ATG10: variants seen among roughly 807,000 people sequenced by gnomAD.
The protein encoded by ATG10 is ubiquitin-like-conjugating enzyme ATG10.
ATG10 carries 30 observed loss-of-function variants against 32.1 expected under a neutral mutation model. That is an observed-to-expected ratio of 0.94 (90% CI 0.70 to 1.27). The LOEUF is 1.27. ATG10 is among the 50% of genes most tolerant of loss of function. ATG10 has a pLI of 0.00. For missense variants in ATG10, 233 were observed against 262.3 expected, an observed-to-expected ratio of 0.89 and a Z score of 0.77; for synonymous variants, 87 against 91.5, an observed-to-expected ratio of 0.95 and a Z score of 0.28.
chr5:82,085,027 A>C (rs972067145), intron 3 of ATG10, among the ~76,000 whole-genome samples: 7 of 152,188 alleles, frequency 4.6e-5, no homozygotes, highest in Non-Finnish European at 1.0e-4. Flanking sequence ...ATTAAAAGAC[A>C]CAGACTGGCA....
intron 5 of ATG10, among the ~76,000 whole-genome samples, chr5:82,191,491 A>G (rs1744659797): frequency 6.6e-6 from 1 of 152,116 alleles, no homozygotes; most frequent in Non-Finnish European, 1.5e-5. Context: ...ATATTCTTTC[A>G]CTTAGTCTTT....
chr5:82,129,937 G>T (rs1329691743), intron 3 of ATG10, among the ~76,000 whole-genome samples: 1 of 152,138 alleles, frequency 6.6e-6, no homozygotes, highest in African/African-American at 2.4e-5. Context: ...TCCTGAAGCT[G>T]CCCCCACAAC....
chr5:82,179,836 T>C (rs1744166257), intron 5 of ATG10, among the ~76,000 whole-genome samples: 1 of 152,180 alleles, frequency 6.6e-6, no homozygotes, highest in Admixed American at 6.6e-5. Context: ...ATAAGAATCC[T>C]TAGCATCTTG....
At chr5:81,987,180 T>A (rs1254942651) in intron 1 of ATG10, among the ~76,000 whole-genome samples, 1 of 152,000 alleles carries the variant, frequency 6.6e-6, no homozygotes, top group East Asian at 1.9e-4. Flanking sequence ...TGGAGTAGAG[T>A]GGCATGATCC....
At chr5:82,159,828 C>T (rs1407909204) in intron 3 of ATG10, among the ~76,000 whole-genome samples, 3 of 152,136 alleles carry the variant, frequency 2.0e-5, no homozygotes, top group African/African-American at 7.2e-5. Context: ...CTCAAATTGC[C>T]TCACTGTTTC....
chr5:82,164,528 A>C lies in ATG10; in HGVS notation c.346A>C (p.Ser116Arg). The change falls in exon 4 of 8, where the codon AGC becomes CGC. Residue 116 changes from serine (S) to arginine (R), a missense_variant. Coordinates refer to ENST00000282185, the MANE Select transcript of ATG10 (RefSeq NM_031482.5). ...YQVPVLYFRA[S>R]FLDGRPLTLK... Reference sequence around the variant, plus strand: ...AGTGCCTGTACTTTACTTTAGGGCAAGCTTTTTAGGTAAGAACATGTCTGA... The same window carrying C: ...AGTGCCTGTACTTTACTTTAGGGCACGCTTTTTAGGTAAGAACATGTCTGA... The C allele has an allele frequency of 1.2e-6, 2 of 1,611,540 alleles. No individual in the cohort carries two copies. Among genetic ancestry groups the C allele is most frequent in the Non-Finnish European group, 1.7e-6 (2 of 1,178,372 alleles).
At chr5:82,022,022 C>CAA (rs1218669453) in intron 2 of ATG10, among the ~76,000 whole-genome samples, 5 of 109,842 alleles carry the variant, frequency 4.6e-5, no homozygotes, top group Admixed American at 1.9e-4. Flanking sequence ...GACGCTGTCT[C>CAA]AAAAAAAAAA....
At chr5:82,130,278 G>T (rs1766467647) in intron 3 of ATG10, among the ~76,000 whole-genome samples, 1 of 152,118 alleles carries the variant, frequency 6.6e-6, no homozygotes, top group Non-Finnish European at 1.5e-5. Context: ...AGCTTGCTGT[G>T]CTCCGTGGTG....
At chr5:82,027,867 G>A (rs955054836) in intron 2 of ATG10, among the ~76,000 whole-genome samples, 3 of 152,086 alleles carry the variant, frequency 2.0e-5, no homozygotes, top group Admixed American at 6.5e-5. Context: ...GAAAAGTTAC[G>A]AGTTGAAGAC....
At chr5:82,160,597 A>G (rs1053844060) in intron 3 of ATG10, among the ~76,000 whole-genome samples, 4 of 152,176 alleles carry the variant, frequency 2.6e-5, no homozygotes, top group Non-Finnish European at 4.4e-5. Context: ...GAGAGGCTAT[A>G]CACTGTTTTA....
intron 5 of ATG10, among the ~76,000 whole-genome samples, chr5:82,192,358 T>G (rs890153140): frequency 6.6e-6 from 1 of 152,206 alleles, no homozygotes; most frequent in South Asian, 2.1e-4. Context: ...CTCTCCCTAT[T>G]CAACTAGCCA....
chr5:82,121,497 G>T (rs143867188), intron 3 of ATG10, among the ~76,000 whole-genome samples: 2,087 of 152,224 alleles, frequency 0.014, 15 homozygotes, highest in Middle Eastern at 0.02. Flanking sequence ...CCAATACTGT[G>T]TTGAATAGGA....
At chr5:82,220,904 C>T (rs564236984) in intron 5 of ATG10, among the ~76,000 whole-genome samples, 23 of 152,138 alleles carry the variant, frequency 1.5e-4, no homozygotes, top group African/African-American at 5.3e-4. Context: ...ACTACAGGCA[C>T]GTGCCACCAT....
At chr5:82,235,327 C>T (rs752936972) in intron 5 of ATG10, among the ~76,000 whole-genome samples, 2 of 152,242 alleles carry the variant, frequency 1.3e-5, no homozygotes, top group Admixed American at 6.5e-5. Flanking sequence ...CAACAAGCAA[C>T]CCCAAATGAT....
intron 5 of ATG10, among the ~76,000 whole-genome samples, chr5:82,179,056 A>G (rs1379572576): frequency 1.3e-5 from 2 of 152,182 alleles, no homozygotes; most frequent in East Asian, 1.9e-4. Context: ...GGACAAAATC[A>G]TCTAACACAA....
At chr5:82,225,069 T>C (rs1746068578) in intron 5 of ATG10, among the ~76,000 whole-genome samples, 1 of 152,240 alleles carries the variant, frequency 6.6e-6, no homozygotes, top group Non-Finnish European at 1.5e-5. Context: ...TTTTTGGTGC[T>C]CCTGTTCTGC....
intron 2 of ATG10, among the ~76,000 whole-genome samples, chr5:82,050,816 A>G (rs1355590224): frequency 6.8e-6 from 1 of 146,934 alleles, no homozygotes; most frequent in East Asian, 2.0e-4. Flanking sequence ...AGCCTAGGCA[A>G]CATAGCAAGA....
intron 3 of ATG10, among the ~76,000 whole-genome samples, chr5:82,120,707 A>G (rs1766008372): frequency 6.6e-6 from 1 of 151,576 alleles, no homozygotes; most frequent in South Asian, 2.1e-4. Flanking sequence ...CTTACTGTCT[A>G]TATTTATATT....
chr5:81,976,510 T>A (rs987717700), intron 1 of ATG10, among the ~76,000 whole-genome samples: 1 of 152,174 alleles, frequency 6.6e-6, no homozygotes, highest in Non-Finnish European at 1.5e-5. Context: ...ATGGTTGTAT[T>A]CTAGGAAAAT....
Sources: gnomAD v4.1 joint callset for allele counts (sites outside exome capture counted in the v4.1 genomes callset) on GRCh38, gnomAD v4.1.1 for gene constraint, MANE v1.5 for transcripts, NCBI Gene and HGNC (gene_info 2026-07-23, HGNC 2026-07-21) for gene names.